MTBP: variants seen among roughly 807,000 people sequenced by gnomAD.
The protein encoded by MTBP is MDM2 binding protein.
MTBP carries 101 observed loss-of-function variants against 117.0 expected under a neutral mutation model. The observed-to-expected ratio is 0.86, with a 90% CI of 0.73 to 1.02. The LOEUF is 1.02. Among genes scored for constraint, MTBP ranks in the 50% least tolerant of loss-of-function variants. The probability of loss-of-function intolerance (pLI) is 0.00; values close to 1 mark genes in which losing one functional copy is unlikely to be tolerated. For synonymous variants in MTBP, 350 were observed against 351.5 expected (o/e 1.00, Z 0.05); for missense variants, 970 against 1,030.9 (o/e 0.94, Z 0.81).
rs960770524 is a variant in MTBP, at chr8:120,506,847, A to G, written c.1869A>G (p.Leu623=). The part of the protein sequence containing the change: ...DGLPIGDLQP[L]PIQKGEKTFV... ...TACCCATTGGAGATCTTCAACCTTT[A>G]CCGATTCAAAAGGGGTAGGTTATAA... Residue 623 remains leucine (L), a synonymous_variant, in exon 16 of 22, where the codon TTA becomes TTG. Transcript: ENST00000305949. 6.2e-7 allele frequency: 1 copy of G among 1,606,112 alleles called. No homozygotes were observed.
chr8:120,518,695 C>A lies in MTBP; in HGVS notation c.2497-9C>A. On this transcript the variant is annotated splice_polypyrimidine_tract_variant and intron_variant, in intron 19 of 21. Coordinates refer to ENST00000305949, the MANE Select transcript of MTBP (RefSeq NM_022045.5). ...AGAAATATTCGTCATATGTTATGTT[C>A]TGTTCAAGATACTGAAAGAAGTAGT... The A allele has an allele frequency of 6.4e-7, 1 of 1,556,138 alleles. No homozygotes were observed. The highest frequency in any genetic ancestry group is 1.1e-5 in the South Asian group (1 of 88,068).
At chr8:120,459,117 A>G (rs1177804425) in intron 7 of MTBP, 98 bp from the exon 8 acceptor site, 7 of 1,043,356 alleles carry the variant, frequency 6.7e-6, no homozygotes, top group Non-Finnish European at 9.6e-6. Flanking sequence ...AAATTTATAC[A>G]TGGATTTCCC....
chr8:120,479,215 A>G (rs533163836), intron 11 of MTBP, among the ~76,000 whole-genome samples: 1 of 152,318 alleles, frequency 6.6e-6, no homozygotes, highest in South Asian at 2.1e-4. Context: ...ACAAACCTCA[A>G]CATCACACAA....
intron 4 of MTBP, among the ~76,000 whole-genome samples, chr8:120,453,042 A>C (rs930252445): frequency 6.6e-6 from 1 of 152,148 alleles, no homozygotes; most frequent in African/African-American, 2.4e-5. Context: ...TAAAACTAAT[A>C]AGTTTTGAAG....
At chr8:120,517,767 T>C in intron 18 of MTBP, 84 bp from the exon 19 acceptor site, 2 of 1,357,852 alleles carry the variant, frequency 1.5e-6, no homozygotes, top group Non-Finnish European at 1.0e-6. Flanking sequence ...TTAATGGATA[T>C]AGTTGTAATA....
In MTBP at chr8:120,484,784, A is replaced by G. The variant is rs575603844; in HGVS notation, c.1166-3375A>G. On this transcript the variant is annotated intron_variant, in intron 11 of 21. Coordinates refer to ENST00000305949, the MANE Select transcript of MTBP (RefSeq NM_022045.5). ...CTTAATCTCCCCGGAAAGAAACCCC[A>G]TACGTGTTAGCAATCATTGCGCATT... is the stretch of plus-strand genomic sequence containing the variant. Among the ~76,000 whole-genome samples the G allele has an allele frequency of 2.0e-5, 3 of 152,272 alleles. No individual in the cohort carries two copies. The East Asian group carries it at 5.8e-4, about 29-fold the overall frequency.
At chr8:120,513,451 C>T (rs193113368) in intron 17 of MTBP, among the ~76,000 whole-genome samples, 1 of 151,852 alleles carries the variant, frequency 6.6e-6, no homozygotes, top group Non-Finnish European at 1.5e-5. Flanking sequence ...AAATATACAC[C>T]CTGCCCCTTG....
chr8:120,468,151 ATATTTT>A, intron 10 of MTBP, among the ~76,000 whole-genome samples: 1 of 152,268 alleles, frequency 6.6e-6, no homozygotes, highest in Middle Eastern at 3.4e-3. Context: ...CTATTGCTAA[ATATTTT>A]TATTTTTAAT....
chr8:120,495,244 A>G (rs899030196), intron 13 of MTBP, among the ~76,000 whole-genome samples: 7 of 152,316 alleles, frequency 4.6e-5, no homozygotes, highest in Admixed American at 1.3e-4. Flanking sequence ...CGGAATTTCA[A>G]TGATACTACT....
chr8:120,513,186 C>T (rs923325046), intron 17 of MTBP, among the ~76,000 whole-genome samples: 1 of 152,110 alleles, frequency 6.6e-6, no homozygotes, highest in Admixed American at 6.6e-5. Context: ...CATTTGATCA[C>T]ACCAGGCTCT....
rs569683830 is a variant in MTBP, at chr8:120,490,329, A to G, written c.1340-134A>G. ...TATTATTATTTACTTTGAAATATGT[A>G]AGGTCGAGAGAGGTGAGTGATTGAC... On this transcript the variant is annotated intron_variant, in intron 12 of 21. Coordinates refer to ENST00000305949, the MANE Select transcript of MTBP (RefSeq NM_022045.5). 1.2e-3 allele frequency: 684 copies of G among 589,406 alleles called. 1 individual carries two copies. The highest frequency in any genetic ancestry group is 1.8e-3 in the Non-Finnish European group (597 of 339,490). 36.5% of individuals were successfully genotyped at this position (589,406 alleles called of 1,614,324 possible).
chr8:120,453,308 T>C (rs915117561), intron 4 of MTBP, among the ~76,000 whole-genome samples: 1 of 151,938 alleles, frequency 6.6e-6, no homozygotes, highest in African/African-American at 2.4e-5. Flanking sequence ...CATGGTGGTG[T>C]GTGCTTGTAG....
chr8:120,515,483 A>G (rs1476213449), intron 17 of MTBP, among the ~76,000 whole-genome samples: 1 of 152,080 alleles, frequency 6.6e-6, no homozygotes, highest in African/African-American at 2.4e-5. Context: ...CTGTTTGGTG[A>G]GCCAGTTTAG....
intron 11 of MTBP, among the ~76,000 whole-genome samples, chr8:120,485,411 A>G (rs1167831512): frequency 6.6e-6 from 1 of 152,144 alleles, no homozygotes; most frequent in Non-Finnish European, 1.5e-5. Flanking sequence ...GTCTAAAAGG[A>G]CTAATGATTT....
intron 11 of MTBP, 187 bp downstream of exon 11, chr8:120,471,124 A>G (rs1813807970): frequency 4.2e-6 from 2 of 479,120 alleles, no homozygotes; most frequent in Non-Finnish European, 7.3e-6. Context: ...ATCTCTAACC[A>G]TATTCATTTA....
At chr8:120,497,606 A>G (rs1281222977) in intron 14 of MTBP, 52 bp downstream of exon 14, 2 of 1,078,608 alleles carry the variant, frequency 1.9e-6, no homozygotes, top group East Asian at 2.6e-5. Flanking sequence ...GGCAACTATG[A>G]CATTTATTAT....
intron 2 of MTBP, among the ~76,000 whole-genome samples, chr8:120,450,279 G>A (rs1813311258): frequency 6.6e-6 from 1 of 152,146 alleles, no homozygotes; most frequent in Non-Finnish European, 1.5e-5. Context: ...TTTCCTGAGA[G>A]GATGTTACAG....
intron 10 of MTBP, among the ~76,000 whole-genome samples, chr8:120,466,224 T>G (rs1813688944): frequency 6.7e-6 from 1 of 150,244 alleles, no homozygotes; most frequent in Non-Finnish European, 1.5e-5. Context: ...TTTTTTTTTT[T>G]TTTTTTAGAC....
Position 120,516,077 on chromosome 8 carries a change from CGTCAGATCCTGGAA to C in MTBP, c.2135_2148del (p.Ser712CysfsTer3). ...AGCCCTCTTCCATCTCCTGTAGTTTCGTCAGATCCTGGAAGTGTCCCTGACGGAGAAGTTTTACA... is the reference window on the plus strand; with the variant it reads ...AGCCCTCTTCCATCTCCTGTAGTTTCGTGTCCCTGACGGAGAAGTTTTACA... On this transcript the variant is annotated frameshift_variant, in exon 18 of 22. Coordinates refer to ENST00000305949, the MANE Select transcript of MTBP (RefSeq NM_022045.5). LOFTEE classifies it high-confidence loss of function. The C allele has an allele frequency of 6.2e-7, 1 of 1,613,024 alleles. No individual in the cohort carries two copies. The highest frequency in any genetic ancestry group is 8.5e-7 in the Non-Finnish European group (1 of 1,179,286).
Sources: allele counts gnomAD v4.1 joint callset (sites outside exome capture counted in the v4.1 genomes callset), GRCh38; gene constraint gnomAD v4.1.1; transcripts MANE v1.5; gene names NCBI Gene and HGNC (gene_info 2026-07-23, HGNC 2026-07-21).